ARHGAP28: variants seen among roughly 807,000 people sequenced by gnomAD.
ARHGAP28 encodes Rho GTPase activating protein 28.
ARHGAP28 carries 56 observed loss-of-function variants against 90.7 expected under a neutral mutation model. The observed-to-expected ratio is 0.62, with a 90% CI of 0.50 to 0.77. ARHGAP28 has a LOEUF of 0.77. ARHGAP28 is among the 30% of genes least tolerant of loss of function. The pLI is 0.00. For synonymous variants in ARHGAP28, 308 were observed against 323.3 expected, an observed-to-expected ratio of 0.95 and a Z score of 0.51; for missense variants, 869 against 900.9, an observed-to-expected ratio of 0.96 and a Z score of 0.45.
intron 2 of ARHGAP28, among the ~76,000 whole-genome samples, chr18:6,832,766 C>T (rs116531330): frequency 0.015 from 2,269 of 152,096 alleles, 62 homozygotes; most frequent in African/African-American, 0.052. Flanking sequence ...TATCTTATTT[C>T]ATCCATTTAC....
intron 1 of ARHGAP28, among the ~76,000 whole-genome samples, chr18:6,772,625 G>A (rs965047293): frequency 7.2e-5 from 11 of 152,208 alleles, no homozygotes; most frequent in Admixed American, 3.9e-4. Context: ...TAATGAGCAC[G>A]TTTATGGTAG....
At chr18:6,743,424 A>G (rs1264311354) in intron 1 of ARHGAP28, among the ~76,000 whole-genome samples, 1 of 152,144 alleles carries the variant, frequency 6.6e-6, no homozygotes, top group Non-Finnish European at 1.5e-5. Flanking sequence ...GTCTTAACAA[A>G]TGGTTAACTG....
Position 6,890,498 on chromosome 18 carries a change from C to T in ARHGAP28, c.1803C>T (p.Leu601=). 6.2e-7 allele frequency: 1 copy of T among 1,613,372 alleles called. No individual in the cohort carries two copies. The highest frequency in any genetic ancestry group is 8.5e-7 in the Non-Finnish European group (1 of 1,179,750). ...NEATMLLKKQ[L]PSVRKLLRRK... is the part of the protein sequence containing the mutation. ...CCACGATGCTATTGAAGAAGCAGCT[C>T]CCAAGTGTCAGGAAGCTGCTCAGGA... Residue 601 remains leucine, a synonymous_variant, in exon 14 of 18, where the codon CTC becomes CTT. Coordinates refer to ENST00000383472, the MANE Select transcript of ARHGAP28 (RefSeq NM_001366230.1).
Position 6,912,351 on chromosome 18 carries a change from CTT to C in ARHGAP28, c.*206_*207del, listed in dbSNP as rs369023260. 3.0e-6 allele frequency: 1 copy of C among 331,488 alleles called. No homozygotes were observed. The highest frequency in any genetic ancestry group is 5.5e-6 in the Non-Finnish European group (1 of 181,034). The allele number at this position is 331,488 out of a possible 1,614,324, so 20.5% of individuals were successfully genotyped here. A position where few individuals can be genotyped will look rare whatever the true frequency, so the allele number is the denominator to read the frequency against. ...CAATTCAACTGAAGCTTTCTCATGA[CTT>C]TTTTTTTTATAAAAGTAAAGGAAAG... is the stretch of plus-strand genomic sequence containing the variant. On this transcript the variant is annotated 3_prime_UTR_variant, in exon 18 of 18. Coordinates refer to ENST00000383472, the MANE Select transcript of ARHGAP28 (RefSeq NM_001366230.1).
intron 1 of ARHGAP28, among the ~76,000 whole-genome samples, chr18:6,781,642 T>A (rs1348081645): frequency 2.0e-5 from 3 of 152,058 alleles, no homozygotes; most frequent in Non-Finnish European, 4.4e-5. Context: ...TCTTCCTAGA[T>A]CCTCCCAAAC....
chr18:6,852,036 C>T (rs1206349269), intron 4 of ARHGAP28, among the ~76,000 whole-genome samples: 2 of 152,150 alleles, frequency 1.3e-5, no homozygotes, highest in Non-Finnish European at 2.9e-5. Flanking sequence ...GTTACTTATA[C>T]TTTATGTACA....
intron 2 of ARHGAP28, among the ~76,000 whole-genome samples, chr18:6,826,447 G>C (rs1473017358): frequency 1.3e-5 from 2 of 150,272 alleles, no homozygotes; most frequent in Non-Finnish European, 3.0e-5. Flanking sequence ...CTCTGTTAAT[G>C]GTTTCTTTTG....
At chr18:6,848,545 A>G (rs2056883816) in intron 3 of ARHGAP28, among the ~76,000 whole-genome samples, 1 of 152,210 alleles carries the variant, frequency 6.6e-6, no homozygotes, top group African/African-American at 2.4e-5. Flanking sequence ...AGCAATGGTG[A>G]TGGTTAGAAG....
chr18:6,871,826 T>C (rs1488236593), intron 7 of ARHGAP28, among the ~76,000 whole-genome samples: 1 of 152,216 alleles, frequency 6.6e-6, no homozygotes, highest in Non-Finnish European at 1.5e-5. Context: ...AAGGAAGAAC[T>C]CTAGGACTCA....
At chr18:6,858,773 C>G (rs928333718) in intron 4 of ARHGAP28, among the ~76,000 whole-genome samples, 1 of 151,898 alleles carries the variant, frequency 6.6e-6, no homozygotes, top group Non-Finnish European at 1.5e-5. Context: ...TCAGGTGATT[C>G]TCCTGCCTCC....
intron 3 of ARHGAP28, among the ~76,000 whole-genome samples, chr18:6,841,265 C>T (rs954676235): frequency 2.9e-5 from 4 of 136,322 alleles, no homozygotes; most frequent in African/African-American, 1.1e-4. Context: ...CCCTCCCTAT[C>T]CCTTGGTCTC....
chr18:6,822,973 A>C (rs538224894), intron 1 of ARHGAP28, among the ~76,000 whole-genome samples: 1 of 152,340 alleles, frequency 6.6e-6, no homozygotes, highest in South Asian at 2.1e-4. Context: ...GCATGTCAAC[A>C]TGTAATTGTC....
chr18:6,847,978 C>T (rs1469974157), intron 3 of ARHGAP28, among the ~76,000 whole-genome samples: 1 of 152,122 alleles, frequency 6.6e-6, no homozygotes, highest in African/African-American at 2.4e-5. Flanking sequence ...CAAACTGTTT[C>T]TACCAGGAAA....
intron 1 of ARHGAP28, among the ~76,000 whole-genome samples, chr18:6,763,525 T>C (rs1259856155): frequency 6.6e-6 from 1 of 152,232 alleles, no homozygotes; most frequent in Non-Finnish European, 1.5e-5. Flanking sequence ...TTTTAGAGTT[T>C]GACTTCCAGA....
At chr18:6,895,172 C>T (rs615191) in intron 15 of ARHGAP28, among the ~76,000 whole-genome samples, 5 of 152,000 alleles carry the variant, frequency 3.3e-5, no homozygotes, top group African/African-American at 1.2e-4. Flanking sequence ...GTATTGTATA[C>T]GGAGAGGCTT....
In ARHGAP28 at chr18:6,898,435, G is replaced by C. The variant is rs761314573; in HGVS notation, c.2030+1809G>C. The stretch of plus-strand genomic sequence containing the variant: ...TTAACCCGTTTTCCACTTGCTCCAA[G>C]AATACTGCACTGGCAGCGAGCTGCA... On this transcript the variant is annotated intron_variant, in intron 16 of 17. Coordinates refer to ENST00000383472, the MANE Select transcript of ARHGAP28 (RefSeq NM_001366230.1). 9 of 1,532,042 alleles carry C rather than the reference G, an allele frequency of 5.9e-6. No homozygotes were observed. The Admixed American group carries it at 1.5e-4, about 26-fold the overall frequency. The allele number at this position is 1,532,042 out of a possible 1,614,324, so 94.9% of individuals were successfully genotyped here.
chr18:6,899,371 AC>A (rs1313440048), intron 16 of ARHGAP28, among the ~76,000 whole-genome samples: 4 of 152,200 alleles, frequency 2.6e-5, no homozygotes, highest in African/African-American at 9.6e-5. Context: ...ATCACCTCCC[AC>A]GTATCCCAGA....
chr18:6,819,120 A>T (rs1014764979), intron 1 of ARHGAP28, among the ~76,000 whole-genome samples: 4 of 152,246 alleles, frequency 2.6e-5, no homozygotes, highest in African/African-American at 9.6e-5. Flanking sequence ...AGAGTATTTC[A>T]TAGTAAGAAG....
chr18:6,859,093 AAC>A (rs1237911170), intron 4 of ARHGAP28, among the ~76,000 whole-genome samples: 3 of 35,394 alleles, frequency 8.5e-5, no homozygotes, highest in Non-Finnish European at 1.9e-4. Flanking sequence ...CAACAACAAC[AAC>A]AAAAAACAAA....
Sources: allele counts gnomAD v4.1 joint callset (sites outside exome capture counted in the v4.1 genomes callset), GRCh38; gene constraint gnomAD v4.1.1; transcripts MANE v1.5; gene names NCBI Gene and HGNC (gene_info 2026-07-23, HGNC 2026-07-21).